IL27RA: variants seen among roughly 807,000 people sequenced by gnomAD.
The protein encoded by IL27RA is interleukin 27 receptor subunit alpha.
A neutral mutation model predicts 80.8 loss-of-function variants in IL27RA; 61 were observed. The ratio of observed to expected loss-of-function variants is 0.76; its 90% confidence interval spans 0.61 to 0.93. The LOEUF is 0.93. Ranked by LOEUF, IL27RA falls within the 40% of genes least tolerant of loss-of-function variation. The pLI, the probability that IL27RA is intolerant of heterozygous loss-of-function variation, is 0.00. For synonymous variants in IL27RA, 316 were observed against 332.5 expected, an observed-to-expected ratio of 0.95 and a Z score of 0.54; for missense variants, 735 against 808.1, an observed-to-expected ratio of 0.91 and a Z score of 1.10.
Position 14,046,560 on chromosome 19 carries a change from C to T in IL27RA, c.1083C>T (p.Pro361=), listed in dbSNP as rs767572269. The change falls in exon 8 of 14, where the codon CCC becomes CCT. Residue 361 remains proline (P), a synonymous_variant. Transcript: ENST00000263379. Reference sequence around the variant, plus strand: ...TGGACTGGGCTCGAGATGGGGACCCCCTGGAGAAACTCAACTGGGTCCGGC... The same window carrying T: ...TGGACTGGGCTCGAGATGGGGACCCTCTGGAGAAACTCAACTGGGTCCGGC... The part of the protein sequence containing the change: ...HVVDWARDGD[P]LEKLNWVRLP... 3.1e-6 allele frequency: 5 copies of T among 1,613,788 alleles called. No individual in the cohort carries two copies. Among genetic ancestry groups the T allele is most frequent in the Non-Finnish European group, 4.2e-6 (5 of 1,179,826 alleles).
intron 2 of IL27RA, among the ~76,000 whole-genome samples, chr19:14,035,555 A>G (rs1394053905): frequency 6.6e-6 from 1 of 151,618 alleles, no homozygotes; most frequent in African/African-American, 2.4e-5. Flanking sequence ...GCCACCACGC[A>G]TGGCTAATTT....
chr19:14,039,978 G>A (rs1568500494), intron 4 of IL27RA, 68 bp downstream of exon 4: 10 of 1,504,216 alleles, frequency 6.6e-6, no homozygotes, highest in Non-Finnish European at 9.2e-6. Flanking sequence ...CTCCTAATCT[G>A]AGACCCAGCC....
chr19:14,046,299 G>A lies in IL27RA; in HGVS notation c.914G>A (p.Ser305Asn), dbSNP rs761264810. The A allele has an allele frequency of 3.7e-6, 6 of 1,613,986 alleles. No individual in the cohort carries two copies. The highest frequency in any genetic ancestry group is 1.3e-5 in the African/African-American group (1 of 74,926). The change falls in exon 7 of 14, where the codon AGC (serine) becomes AAC (asparagine). Residue 305 changes from serine to asparagine, a missense_variant. Physicochemically the swap from Ser to Asn is conservative, Grantham distance 46 (BLOSUM62 1). Coordinates refer to ENST00000263379, the MANE Select transcript of IL27RA (RefSeq NM_004843.4). ...WARVSAVNATSWEPLTNLSLV... is the reference protein window; with the variant it reads ...WARVSAVNATNWEPLTNLSLV... ...AGGGTGTCCGCTGTCAACGCCACAA[G>A]CTGGGAGCCTCTCACCAACCTCTCT...
Position 14,052,578 on chromosome 19 carries a change from A to G in IL27RA, c.*288A>G. 1 of 340,056 alleles carries G rather than the reference A, an allele frequency of 2.9e-6. No individual in the cohort carries two copies. 21.1% of individuals were successfully genotyped at this position (340,056 alleles called of 1,614,324 possible). A position where few individuals can be genotyped will look rare whatever the true frequency, so the allele number is the denominator to read the frequency against. ...ATCTGTTCCGCTGTAACAGAACTGA[A>G]TTTGGACCCCAGCACAGTGGCTCAC... On this transcript the variant is annotated 3_prime_UTR_variant, in exon 14 of 14. Coordinates refer to ENST00000263379, the MANE Select transcript of IL27RA (RefSeq NM_004843.4).
chr19:14,042,677 G>C, intron 5 of IL27RA, 39 bp from the exon 6 acceptor site: 1 of 1,613,594 alleles, frequency 6.2e-7, no homozygotes, highest in South Asian at 1.1e-5. Flanking sequence ...GTCCAATCAT[G>C]TCCCACTCAT....
At chr19:14,043,186 A>C (rs770864911) in intron 6 of IL27RA, among the ~76,000 whole-genome samples, 13 of 151,966 alleles carry the variant, frequency 8.6e-5, no homozygotes, top group Non-Finnish European at 1.5e-4. Flanking sequence ...AACAAGACAG[A>C]GTTTACCATG....
chr19:14,040,440 C>T (rs1359972248), intron 4 of IL27RA, among the ~76,000 whole-genome samples: 1 of 151,378 alleles, frequency 6.6e-6, no homozygotes, highest in Non-Finnish European at 1.5e-5. Flanking sequence ...ATCCCAGCAC[C>T]TTGGGAGGCT....
chr19:14,046,383 G>C (rs1976065487), intron 7 of IL27RA, 46 bp downstream of exon 7: 1 of 1,613,790 alleles, frequency 6.2e-7, no homozygotes, highest in South Asian at 1.1e-5. Flanking sequence ...GGAGGGGTGG[G>C]AAGTGACTTC....
rs1308691297 is a variant in IL27RA, at chr19:14,052,268, C to T, written c.1889C>T (p.Pro630Leu). The part of the protein sequence containing the change: ...TPEELGLLGP[P>L]RPQVLA Reference sequence around the variant, plus strand: ...GAGGAGCTGGGCCTTCTGGGGCCCCCCAGGCCACAGGTTCTGGCCTGAACC... The same window carrying T: ...GAGGAGCTGGGCCTTCTGGGGCCCCTCAGGCCACAGGTTCTGGCCTGAACC... Residue 630 changes from proline (P) to leucine (L), a missense_variant, in exon 14 of 14, where the codon CCC becomes CTC. Transcript: ENST00000263379. 2.0e-6 allele frequency: 3 copies of T among 1,535,574 alleles called. No homozygotes were observed. Among genetic ancestry groups the T allele is most frequent in the Non-Finnish European group, 2.6e-6 (3 of 1,144,142 alleles).
At chr19:14,047,557 A>C (rs1398958233) in intron 8 of IL27RA, among the ~76,000 whole-genome samples, 1 of 150,792 alleles carries the variant, frequency 6.6e-6, no homozygotes, top group Non-Finnish European at 1.5e-5. Flanking sequence ...GGGTTTCACC[A>C]TGTTGGCTAG....
chr19:14,040,512 C>G (rs1382173270), intron 4 of IL27RA, among the ~76,000 whole-genome samples: 2 of 151,984 alleles, frequency 1.3e-5, no homozygotes, highest in Non-Finnish European at 2.9e-5. Context: ...TAGCAAGACT[C>G]GTCTCTAAGA....
intron 4 of IL27RA, among the ~76,000 whole-genome samples, chr19:14,040,778 C>T (rs1204952713): frequency 5.3e-5 from 8 of 151,012 alleles, no homozygotes; most frequent in Non-Finnish European, 7.4e-5. Flanking sequence ...GAGCTGAGAT[C>T]GTGCCACTGC....
At position 14,047,603 on chromosome 19, in the gene IL27RA, C is replaced by T. The variant is rs559521614; in HGVS notation, c.1141+985C>T. Among the ~76,000 whole-genome samples, 6 of 151,516 alleles carry T rather than the reference C, an allele frequency of 4.0e-5. No homozygotes were observed. In the South Asian group the frequency reaches 1.0e-3, roughly 26 times the overall value. ...AACTCCTGACCTCAAGAGATCCACC[C>T]GCATTGGCCTCCCAAAATGATGGGA... On this transcript the variant is annotated intron_variant, in intron 8 of 13. Coordinates refer to ENST00000263379, the MANE Select transcript of IL27RA (RefSeq NM_004843.4).
intron 2 of IL27RA, among the ~76,000 whole-genome samples, chr19:14,038,650 C>G (rs1048515018): frequency 6.6e-6 from 1 of 151,280 alleles, no homozygotes; most frequent in African/African-American, 2.4e-5. Context: ...TTTGGGAGGC[C>G]GAGACAGGCG....
chr19:14,032,805 CAAAAAAAAAA>C (rs60328140), intron 2 of IL27RA, among the ~76,000 whole-genome samples: 1 of 60,776 alleles, frequency 1.6e-5, no homozygotes. Flanking sequence ...GACTCTGTCT[CAAAAAAAAAA>C]AAAAAAAAAA....
rs16979443 is a variant in IL27RA, at chr19:14,048,533, T to C, written c.1142-448T>C. Among the ~76,000 whole-genome samples, 1,120 of 152,284 alleles carry C rather than the reference T, an allele frequency of 7.4e-3. 84 individuals are homozygous for C. In the East Asian group the frequency reaches 0.18, roughly 24 times the overall value. ...ATCTGTTTGACCACCTCAGAGGTTT[T>C]AGGCCTCTCTCCCAGCTGCCCACAC... On this transcript the variant is annotated intron_variant, in intron 8 of 13. Transcript: ENST00000263379.
chr19:14,042,859 C>A, intron 6 of IL27RA, 70 bp downstream of exon 6: 3 of 1,370,790 alleles, frequency 2.2e-6, no homozygotes, highest in Non-Finnish European at 3.1e-6. Flanking sequence ...TGACATAAGG[C>A]CGGATGCAGT....
At chr19:14,041,180 G>A (rs975828385) in intron 4 of IL27RA, among the ~76,000 whole-genome samples, 4 of 150,602 alleles carry the variant, frequency 2.7e-5, no homozygotes, top group African/African-American at 9.8e-5. Context: ...TGGGATTACA[G>A]GCATGAGCCA....
chr19:14,051,744 C>T (rs1976168687), intron 12 of IL27RA, 44 bp downstream of exon 12: 1 of 1,498,858 alleles, frequency 6.7e-7, no homozygotes, highest in Non-Finnish European at 9.2e-7. Context: ...GTGGGGAAGG[C>T]AGCTGGGCAT....
Sources: gnomAD v4.1 joint callset for allele counts (sites outside exome capture counted in the v4.1 genomes callset) on GRCh38, gnomAD v4.1.1 for gene constraint, MANE v1.5 for transcripts, NCBI Gene and HGNC (gene_info 2026-07-23, HGNC 2026-07-21) for gene names.